The following PCDH9 variants were observed in gnomAD, a reference collection of about 807,000 sequenced individuals.
PCDH9 encodes the protein protocadherin 9.
In PCDH9, 24 loss-of-function variants were observed where a neutral mutation model predicts 70.6. That is an observed-to-expected ratio of 0.34 (90% CI 0.25 to 0.48). PCDH9 has a LOEUF of 0.48. PCDH9 is among the 20% of genes least tolerant of loss of function. PCDH9 has a pLI of 0.99. For synonymous variants in PCDH9, 562 were observed against 558.5 expected (o/e 1.01, Z -0.09); for missense variants, 1,281 against 1,503.6 (o/e 0.85, Z 2.45).
At chr13:66,353,650 G>T (rs939198338) in intron 4 of PCDH9, among the ~76,000 whole-genome samples, 2 of 151,720 alleles carry the variant, frequency 1.3e-5, no homozygotes, top group African/African-American at 4.8e-5. Flanking sequence ...TAAAATTTTT[G>T]TCTCTTAAAC....
chr13:66,679,298 C>T (rs985200757), intron 3 of PCDH9, among the ~76,000 whole-genome samples: 1 of 151,502 alleles, frequency 6.6e-6, no homozygotes, highest in Non-Finnish European at 1.5e-5. Flanking sequence ...TGTCATAATA[C>T]AATTATAATA....
intron 3 of PCDH9, among the ~76,000 whole-genome samples, chr13:66,850,211 A>G (rs1281631657): frequency 1.3e-5 from 2 of 152,256 alleles, no homozygotes; most frequent in Non-Finnish European, 2.9e-5. Flanking sequence ...ATGGTAAGGT[A>G]CAACTATCAG....
intron 2 of PCDH9, among the ~76,000 whole-genome samples, chr13:66,916,633 T>G (rs2082562254): frequency 6.6e-6 from 1 of 151,588 alleles, no homozygotes; most frequent in South Asian, 2.1e-4. Flanking sequence ...TATATGTAAT[T>G]TATTCATATA....
At chr13:67,152,335 G>T (rs189032627) in intron 2 of PCDH9, among the ~76,000 whole-genome samples, 57 of 152,226 alleles carry the variant, frequency 3.7e-4, no homozygotes, top group Middle Eastern at 3.4e-3. Context: ...TGTGCCTAAG[G>T]CCTCTCTGTA....
chr13:67,134,649 G>A lies in PCDH9; in HGVS notation c.3036+90756C>T, dbSNP rs2149319. Among the ~76,000 whole-genome samples the A allele has an allele frequency of 3.0e-4, 46 of 152,092 alleles. 1 individual carries two copies. Among genetic ancestry groups the A allele is most frequent in the African/African-American group, 1.1e-3 (44 of 41,504 alleles). ...AGCACTTTCGTTTTCAGGAATATAA[G>A]GCTGAGTTGTGGGGTGGCTTCTTGC... is the stretch of plus-strand genomic sequence containing the variant. On this transcript the variant is annotated intron_variant, in intron 2 of 4. Transcript: ENST00000377865.
At chr13:66,871,699 A>C (rs1318054599) in intron 3 of PCDH9, among the ~76,000 whole-genome samples, 1 of 152,118 alleles carries the variant, frequency 6.6e-6, no homozygotes, top group Non-Finnish European at 1.5e-5. Flanking sequence ...CACTGTCACT[A>C]ACAGCTTAAT....
chr13:66,794,072 C>A (rs954689520), intron 3 of PCDH9, among the ~76,000 whole-genome samples: 4 of 152,062 alleles, frequency 2.6e-5, no homozygotes, highest in Admixed American at 1.3e-4. Context: ...ACTCCACTGT[C>A]ATGTATAATT....
intron 4 of PCDH9, among the ~76,000 whole-genome samples, chr13:66,350,703 T>C (rs1956280217): frequency 6.6e-6 from 1 of 152,180 alleles, no homozygotes; most frequent in Non-Finnish European, 1.5e-5. Context: ...ATCTGACACT[T>C]CTCATCACTT....
chr13:66,629,288 G>A (rs1211643558), intron 4 of PCDH9, among the ~76,000 whole-genome samples: 2 of 152,084 alleles, frequency 1.3e-5, no homozygotes, highest in African/African-American at 4.8e-5. Flanking sequence ...TTTGTCTGAG[G>A]CCCATAGACA....
At chr13:67,081,146 T>C (rs1428392283) in intron 2 of PCDH9, among the ~76,000 whole-genome samples, 1 of 152,154 alleles carries the variant, frequency 6.6e-6, no homozygotes. Flanking sequence ...ACATTAGTAG[T>C]AGGAAAAGGA....
chr13:66,329,648 G>A (rs796340431), intron 4 of PCDH9, among the ~76,000 whole-genome samples: 11 of 152,142 alleles, frequency 7.2e-5, no homozygotes, highest in African/African-American at 2.4e-4. Flanking sequence ...AAATGTCCAG[G>A]GCTCACTTTT....
Position 66,474,925 on chromosome 13 carries a change from T to C in PCDH9, c.3340+156285A>G, listed in dbSNP as rs575517479. 1.4e-3 allele frequency among the ~76,000 whole-genome samples: 207 copies of C among 152,206 alleles called. 1 individual carries two copies. The highest frequency in any genetic ancestry group is 2.6e-3 in the Non-Finnish European group (175 of 67,934). ...TAGAGTCTCCTTGAATGAATTTCAATGTTATCCCAAGAATAATTGACAGTG... is the reference window on the plus strand; with the variant it reads ...TAGAGTCTCCTTGAATGAATTTCAACGTTATCCCAAGAATAATTGACAGTG... On this transcript the variant is annotated intron_variant, in intron 4 of 4. Coordinates refer to ENST00000377865, the MANE Select transcript of PCDH9 (RefSeq NM_203487.3).
chr13:67,096,018 G>A (rs1382419568), intron 2 of PCDH9, among the ~76,000 whole-genome samples: 1 of 152,112 alleles, frequency 6.6e-6, no homozygotes, highest in Non-Finnish European at 1.5e-5. Flanking sequence ...ATAAAGACAA[G>A]CACATATATA....
Position 66,738,009 on chromosome 13 carries a change from C to T in PCDH9, c.3139-106598G>A, listed in dbSNP as rs953203774. On this transcript the variant is annotated intron_variant, in intron 3 of 4. Transcript: ENST00000377865. ...GGAGCCCACCACAGCTCAAGGAGGC[C>T]TGCCTGCCTCTGTAGCCTCCACCTC... 8.4e-3 allele frequency among the ~76,000 whole-genome samples: 1,281 copies of T among 152,300 alleles called. 20 individuals are homozygous for T. Among genetic ancestry groups the T allele is most frequent in the African/African-American group, 0.029 (1,224 of 41,566 alleles).
Position 66,848,927 on chromosome 13 carries a change from C to CAA in PCDH9, c.3138+54575_3138+54576dup, listed in dbSNP as rs745587776. ...TGGGTGACACAGCGAGACTCCGTCT[C>CAA]AAAAAAAAAAAAAAAAAAAAAAAAA... On this transcript the variant is annotated intron_variant, in intron 3 of 4. Coordinates refer to ENST00000377865, the MANE Select transcript of PCDH9 (RefSeq NM_203487.3). 4.7e-3 allele frequency among the ~76,000 whole-genome samples: 238 copies of CAA among 50,790 alleles called. 3 individuals are homozygous for CAA. Among genetic ancestry groups the CAA allele is most frequent in the Middle Eastern group, 0.01 (1 of 100 alleles). 33.3% of individuals were successfully genotyped at this position (50,790 alleles called of 152,430 possible).
intron 2 of PCDH9, among the ~76,000 whole-genome samples, chr13:67,020,522 T>C (rs767789987): frequency 2.8e-4 from 43 of 152,148 alleles, no homozygotes; most frequent in Admixed American, 5.2e-4. Flanking sequence ...AAAATGCAGA[T>C]ATTACTTTAT....
intron 2 of PCDH9, among the ~76,000 whole-genome samples, chr13:67,002,868 T>C (rs1414190256): frequency 1.3e-5 from 2 of 152,148 alleles, no homozygotes; most frequent in African/African-American, 4.8e-5. Flanking sequence ...CTATCTGATC[T>C]AGTTCTTTTA....
At chr13:66,342,496 C>T (rs1425845070) in intron 4 of PCDH9, among the ~76,000 whole-genome samples, 1 of 152,114 alleles carries the variant, frequency 6.6e-6, no homozygotes, top group East Asian at 1.9e-4. Context: ...TATTAATATT[C>T]TCCTTTTACC....
At chr13:67,147,736 A>G (rs1197544693) in intron 2 of PCDH9, among the ~76,000 whole-genome samples, 3 of 152,206 alleles carry the variant, frequency 2.0e-5, no homozygotes, top group Non-Finnish European at 4.4e-5. Context: ...TCATGGACAC[A>G]TTTACAATGT....
Sources: gnomAD v4.1 joint callset for allele counts (sites outside exome capture counted in the v4.1 genomes callset) on GRCh38, gnomAD v4.1.1 for gene constraint, MANE v1.5 for transcripts, NCBI Gene and HGNC (gene_info 2026-07-23, HGNC 2026-07-21) for gene names.